SHTN1: variants seen among roughly 807,000 people sequenced by gnomAD.
The protein encoded by SHTN1 is shootin 1, also known as shootin-1.
A neutral mutation model predicts 83.1 loss-of-function variants in SHTN1; 42 were observed. The observed-to-expected ratio is 0.51, with a 90% CI of 0.39 to 0.65. The LOEUF (loss-of-function observed/expected upper bound fraction) is 0.65. Among genes scored for constraint, SHTN1 ranks in the 30% least tolerant of loss-of-function variants. The pLI is 0.00. For synonymous variants in SHTN1, 224 were observed against 247.7 expected (o/e 0.90, Z 0.90); for missense variants, 622 against 737.8 (o/e 0.84, Z 1.82).
At chr10:116,990,395 G>A (rs937835587) in intron 1 of SHTN1, among the ~76,000 whole-genome samples, 1 of 147,018 alleles carries the variant, frequency 6.8e-6, no homozygotes, top group African/African-American at 2.5e-5. Context: ...CAACAAGCAA[G>A]GTTTTTCTCC....
intron 7 of SHTN1, 112 bp downstream of exon 7, chr10:116,948,801 TAGG>T (rs1399453949): frequency 1.1e-5 from 5 of 442,104 alleles, no homozygotes; most frequent in African/African-American, 9.3e-5. Flanking sequence ...AATCACAATA[TAGG>T]AGAAGATTTT....
At chr10:117,049,878 A>C (rs60317414) in intron 1 of SHTN1, among the ~76,000 whole-genome samples, 160 of 152,320 alleles carry the variant, frequency 1.1e-3, no homozygotes, top group African/African-American at 3.7e-3. Flanking sequence ...TGAGAGGGAA[A>C]TTTATACTGC....
intron 16 of SHTN1, chr10:116,901,468 T>C (rs912086837): frequency 5.1e-6 from 5 of 984,996 alleles, no homozygotes; most frequent in Middle Eastern, 5.2e-4. Context: ...GAAAGACTGA[T>C]TGTCTCCTGA....
intron 10 of SHTN1, 128 bp downstream of exon 10, chr10:116,929,721 A>G (rs1026499048): frequency 1.9e-6 from 1 of 537,220 alleles, no homozygotes; most frequent in African/African-American, 2.0e-5. Context: ...GGAATTTCAA[A>G]ACAAATCTTG....
chr10:116,954,359 G>T, intron 4 of SHTN1, 149 bp from the exon 5 acceptor site: 2 of 545,364 alleles, frequency 3.7e-6, no homozygotes, highest in Non-Finnish European at 6.4e-6. Flanking sequence ...CATTAAATAA[G>T]GTTTTATATT....
Position 117,005,134 on chromosome 10 carries a change from AG to A in SHTN1, c.-56del. ...AAAGAGGGAGCGGCGCGGGGCACAC[AG>A]GAGGAGGGGGAAGAAAAAGCAAGAT... is the stretch of plus-strand genomic sequence containing the variant. On this transcript the variant is annotated 5_prime_UTR_variant, in exon 1 of 17. Transcript: ENST00000355371. 6.4e-7 allele frequency: 1 copy of A among 1,559,962 alleles called. No homozygotes were observed. The highest frequency in any genetic ancestry group is 8.7e-7 in the Non-Finnish European group (1 of 1,151,304).
chr10:116,886,286 A>T lies in SHTN1; in HGVS notation c.*58T>A. On this transcript the variant is annotated 3_prime_UTR_variant, in exon 17 of 17. Coordinates refer to ENST00000355371, the MANE Select transcript of SHTN1 (RefSeq NM_001127211.3). The stretch of plus-strand genomic sequence containing the variant: ...CTACAGCCCTTGCCAATATAACAAC[A>T]CTAATCATGTGCTTATTGAAAAGGA... The T allele has an allele frequency of 6.5e-7, 1 of 1,549,990 alleles. No homozygotes were observed. Among genetic ancestry groups the T allele is most frequent in the Non-Finnish European group, 8.7e-7 (1 of 1,145,886 alleles).
At chr10:117,104,227 C>T (rs1366763611) in intron 1 of SHTN1, among the ~76,000 whole-genome samples, 1 of 151,958 alleles carries the variant, frequency 6.6e-6, no homozygotes, top group African/African-American at 2.4e-5. Flanking sequence ...CCTCCAAGGC[C>T]CAATTCAAAT....
intron 1 of SHTN1, among the ~76,000 whole-genome samples, chr10:116,993,237 G>T (rs918008692): frequency 6.6e-6 from 1 of 151,812 alleles, no homozygotes; most frequent in African/African-American, 2.4e-5. Context: ...GGATGGTCTC[G>T]ATCTCCTGAC....
chr10:117,041,795 A>C (rs1852587998), intron 2 of SHTN1, among the ~76,000 whole-genome samples: 1 of 152,224 alleles, frequency 6.6e-6, no homozygotes, highest in Non-Finnish European at 1.5e-5. Context: ...GATTATACAG[A>C]TAGAACACTA....
intron 16 of SHTN1, among the ~76,000 whole-genome samples, chr10:116,889,074 T>A (rs565487561): frequency 5.1e-4 from 78 of 152,338 alleles, no homozygotes; most frequent in African/African-American, 1.8e-3. Context: ...GGTGAGCAAC[T>A]TCCATCAACC....
chr10:117,063,458 A>G (rs556822196), intron 1 of SHTN1, among the ~76,000 whole-genome samples: 2 of 152,298 alleles, frequency 1.3e-5, no homozygotes, highest in East Asian at 3.9e-4. Context: ...TTCCTGTAGT[A>G]TTAATATCAG....
intron 12 of SHTN1, among the ~76,000 whole-genome samples, chr10:116,920,366 T>A (rs556772862): frequency 6.6e-6 from 1 of 152,280 alleles, no homozygotes; most frequent in African/African-American, 2.4e-5. Flanking sequence ...CTCTGCTCAA[T>A]GGGAGGGCCC....
At chr10:116,989,398 C>A (rs1387954074) in intron 1 of SHTN1, among the ~76,000 whole-genome samples, 1 of 151,988 alleles carries the variant, frequency 6.6e-6, no homozygotes, top group Non-Finnish European at 1.5e-5. Context: ...AACAAAAAAA[C>A]AAACAAAAAA....
intron 16 of SHTN1, among the ~76,000 whole-genome samples, chr10:116,893,576 G>A (rs1478646573): frequency 3.2e-5 from 4 of 123,524 alleles, no homozygotes; most frequent in Non-Finnish European, 6.6e-5. Flanking sequence ...GCACTCATGT[G>A]CACACACACA....
Position 116,883,876 on chromosome 10 carries a change from T to C in SHTN1, c.*2468A>G, listed in dbSNP as rs1346140885. ...GGACTTTGTTTGAGACCAGCTCACA[T>C]ACAAAAGGGTGCAAGTGCTTTAATT... On this transcript the variant is annotated 3_prime_UTR_variant, in exon 17 of 17. Coordinates refer to ENST00000355371, the MANE Select transcript of SHTN1 (RefSeq NM_001127211.3). 1 of 200,194 alleles carries C rather than the reference T, an allele frequency of 5.0e-6. No homozygotes were observed. The highest frequency in any genetic ancestry group is 1.0e-5 in the Non-Finnish European group (1 of 95,394). 12.4% of individuals were successfully genotyped at this position (200,194 alleles called of 1,614,324 possible). A position where few individuals can be genotyped will look rare whatever the true frequency, so the allele number is the denominator to read the frequency against.
intron 1 of SHTN1, 48 bp downstream of exon 1, chr10:117,004,974 C>T (rs1473082552): frequency 5.8e-6 from 9 of 1,542,138 alleles, no homozygotes; most frequent in Non-Finnish European, 7.9e-6. Flanking sequence ...GGGCCGTCCC[C>T]GCCCACGGGC....
At chr10:117,076,107 TG>T (rs756923218) in intron 1 of SHTN1, among the ~76,000 whole-genome samples, 2 of 145,824 alleles carry the variant, frequency 1.4e-5, no homozygotes, top group Admixed American at 7.1e-5. Context: ...CACCTGAGCC[TG>T]GAAGGCAGAG....
exon 1 of SHTN1, chr10:117,126,439 C>T (rs148001318): frequency 0.014 from 3,309 of 237,782 alleles, 31 homozygotes; most frequent in Middle Eastern, 0.023. Flanking sequence ...CCTTTCTAGC[C>T]CTAGCACCTG....
Sources: gnomAD v4.1 joint callset for allele counts (sites outside exome capture counted in the v4.1 genomes callset) on GRCh38, gnomAD v4.1.1 for gene constraint, MANE v1.5 for transcripts, NCBI Gene and HGNC (gene_info 2026-07-23, HGNC 2026-07-21) for gene names.